CCDC83: variants seen among roughly 807,000 people sequenced by gnomAD.
CCDC83 encodes coiled-coil domain-containing protein 83.
In CCDC83, 54 loss-of-function variants were observed where a neutral mutation model predicts 50.1. That is an observed-to-expected ratio of 1.08 (90% CI 0.87 to 1.35). CCDC83 has a LOEUF of 1.35. Ranked by LOEUF, CCDC83 falls within the 40% of genes most tolerant of loss-of-function variation. CCDC83 has a pLI of 0.00. For missense variants in CCDC83, 518 were observed against 473.9 expected, an observed-to-expected ratio of 1.09 and a Z score of -0.86; for synonymous variants, 161 against 153.3, an observed-to-expected ratio of 1.05 and a Z score of -0.37.
chr11:85,900,890 C>T (rs2093398162), intron 7 of CCDC83, among the ~76,000 whole-genome samples: 1 of 151,722 alleles, frequency 6.6e-6, no homozygotes, highest in Admixed American at 6.6e-5. Context: ...CATGGCAAAA[C>T]CTCATCTCTA....
At chr11:85,873,371 T>C (rs1044677799) in intron 3 of CCDC83, 76 bp downstream of exon 3, 1 of 537,062 alleles carries the variant, frequency 1.9e-6, no homozygotes, top group Admixed American at 3.8e-5. Context: ...TGGATTATGG[T>C]GAAATATACT....
intron 1 of CCDC83, among the ~76,000 whole-genome samples, chr11:85,861,309 C>G (rs183805739): frequency 2.0e-5 from 3 of 152,316 alleles, no homozygotes; most frequent in African/African-American, 7.2e-5. Context: ...ATTACTACTA[C>G]TACTATTACT....
intron 3 of CCDC83, among the ~76,000 whole-genome samples, chr11:85,875,054 A>T (rs1009637014): frequency 3.9e-5 from 6 of 152,228 alleles, no homozygotes; most frequent in Non-Finnish European, 7.3e-5. Context: ...AACAGCTTTT[A>T]GCAGGGAGGG....
intron 6 of CCDC83, among the ~76,000 whole-genome samples, 165 bp from the exon 7 acceptor site, chr11:85,898,782 A>G (rs1006196190): frequency 2.0e-5 from 3 of 152,244 alleles, no homozygotes; most frequent in African/African-American, 7.2e-5. Flanking sequence ...GCAATACAAT[A>G]GGATAGTAAA....
At chr11:85,876,067 A>C (rs900509804) in intron 3 of CCDC83, among the ~76,000 whole-genome samples, 1 of 152,106 alleles carries the variant, frequency 6.6e-6, no homozygotes, top group Non-Finnish European at 1.5e-5. Context: ...TTTATCTTAA[A>C]ACCCTTTTCT....
chr11:85,861,029 G>A (rs1000273509), intron 1 of CCDC83, among the ~76,000 whole-genome samples: 1 of 152,210 alleles, frequency 6.6e-6, no homozygotes, highest in African/African-American at 2.4e-5. Context: ...GGGCCACAAG[G>A]CGAGGTTATT....
At chr11:85,879,948 CTT>C (rs1331833851) in intron 3 of CCDC83, among the ~76,000 whole-genome samples, 1 of 152,136 alleles carries the variant, frequency 6.6e-6, no homozygotes, top group Non-Finnish European at 1.5e-5. Context: ...TCTCTACTCT[CTT>C]CAGTTGATCT....
intron 5 of CCDC83, among the ~76,000 whole-genome samples, chr11:85,888,564 C>T (rs2093337619): frequency 6.6e-6 from 1 of 151,948 alleles, no homozygotes. Flanking sequence ...TCCCATTTGT[C>T]ATTAGTTTTT....
intron 2 of CCDC83, among the ~76,000 whole-genome samples, chr11:85,866,339 G>T (rs2093206602): frequency 1.3e-5 from 2 of 151,878 alleles, no homozygotes; most frequent in Non-Finnish European, 2.9e-5. Flanking sequence ...GGACCACATG[G>T]TCCCTGCCTT....
At chr11:85,886,137 A>G (rs779506692) in intron 4 of CCDC83, 63 bp from the exon 5 acceptor site, 53 of 1,299,144 alleles carry the variant, frequency 4.1e-5, no homozygotes, top group Non-Finnish European at 5.1e-5. Flanking sequence ...TCTTAAAACC[A>G]GATTGCAACA....
chr11:85,905,898 G>T (rs1377703619), intron 7 of CCDC83, among the ~76,000 whole-genome samples: 1 of 149,378 alleles, frequency 6.7e-6, no homozygotes, highest in African/African-American at 2.5e-5. Flanking sequence ...GATCCCGGGA[G>T]GTGGAGCTTG....
chr11:85,875,712 T>C (rs1255823490), intron 3 of CCDC83, among the ~76,000 whole-genome samples: 1 of 152,252 alleles, frequency 6.6e-6, no homozygotes, highest in Non-Finnish European at 1.5e-5. Context: ...AAAAAATGTT[T>C]TGAGGTCATA....
chr11:85,905,728 G>C (rs2093422551), intron 7 of CCDC83, among the ~76,000 whole-genome samples: 1 of 152,036 alleles, frequency 6.6e-6, no homozygotes, highest in Admixed American at 6.5e-5. Flanking sequence ...CCAGCACTTT[G>C]GGAGGCCGAG....
chr11:85,877,775 C>G (rs1285100814), intron 3 of CCDC83, among the ~76,000 whole-genome samples: 1 of 152,014 alleles, frequency 6.6e-6, no homozygotes, highest in Admixed American at 6.5e-5. Context: ...AATTAACTAA[C>G]ATAAGTAAAA....
At chr11:85,862,448 T>A in intron 1 of CCDC83, among the ~76,000 whole-genome samples, 1 of 152,216 alleles carries the variant, frequency 6.6e-6, no homozygotes, top group East Asian at 1.9e-4. Context: ...CAATGAATTT[T>A]AAAGCTGCTC....
At chr11:85,882,704 A>G (rs748224796) in intron 4 of CCDC83, 29 bp downstream of exon 4, 2 of 1,595,552 alleles carry the variant, frequency 1.3e-6, no homozygotes, top group South Asian at 2.2e-5. Flanking sequence ...AAACTATCAT[A>G]GAGTTGTGCC....
chr11:85,895,794 C>T (rs948981890), intron 6 of CCDC83, among the ~76,000 whole-genome samples: 1 of 152,072 alleles, frequency 6.6e-6, no homozygotes, highest in African/African-American at 2.4e-5. Flanking sequence ...TAATCTCTCA[C>T]AAGAAGCAAC....
chr11:85,881,549 A>T (rs1024534349), intron 3 of CCDC83, among the ~76,000 whole-genome samples: 1 of 152,052 alleles, frequency 6.6e-6, no homozygotes, highest in Non-Finnish European at 1.5e-5. Context: ...CAGCCTCCTG[A>T]ATAGCTGAGA....
chr11:85,883,604 A>G (rs949138278), intron 4 of CCDC83, among the ~76,000 whole-genome samples: 3 of 152,066 alleles, frequency 2.0e-5, no homozygotes, highest in Non-Finnish European at 2.9e-5. Flanking sequence ...TGAAATTCCT[A>G]TTCTTTCATT....
Sources: allele counts gnomAD v4.1 joint callset (sites outside exome capture counted in the v4.1 genomes callset), GRCh38; gene constraint gnomAD v4.1.1; transcripts MANE v1.5; gene names NCBI Gene and HGNC (gene_info 2026-07-23, HGNC 2026-07-21).